GAREM2: variants seen among roughly 807,000 people sequenced by gnomAD.
GAREM2 encodes the protein GRB2 associated regulator of MAPK1 subtype 2.
A neutral mutation model predicts 55.6 loss-of-function variants in GAREM2; 30 were observed. The observed-to-expected ratio is 0.54, with a 90% CI of 0.40 to 0.73. GAREM2 has a LOEUF of 0.73. GAREM2 is among the 30% of genes least tolerant of loss of function. GAREM2 has a pLI of 0.00. For missense variants in GAREM2, 1,075 were observed against 1,257.7 expected, an observed-to-expected ratio of 0.85 and a Z score of 2.20; for synonymous variants, 550 against 569.1, an observed-to-expected ratio of 0.97 and a Z score of 0.48.
chr2:26,192,159 A>T (rs751169009), downstream of GAREM2: 92 of 621,930 alleles, frequency 1.5e-4, no homozygotes, highest in Admixed American at 5.4e-5. Context: ...GGAAGACAGC[A>T]CCATGGCACG....
chr2:26,198,176 C>A, the GAREM2 span, among the ~76,000 whole-genome samples: 1 of 152,168 alleles, frequency 6.6e-6, no homozygotes. Context: ...TCACTCCCCG[C>A]TTCACCTTTA....
intron 2 of GAREM2, among the ~76,000 whole-genome samples, chr2:26,177,819 G>C (rs750788272): frequency 5.9e-5 from 9 of 152,160 alleles, no homozygotes; most frequent in Non-Finnish European, 1.3e-4. Flanking sequence ...TAGAGACAGG[G>C]TTTCACCATG....
downstream of GAREM2, chr2:26,193,825 C>CA: frequency 2.1e-6 from 3 of 1,410,158 alleles, no homozygotes; most frequent in Non-Finnish European, 2.0e-6. Flanking sequence ...CAAATCCCCC[C>CA]AAAGGGCTCC....
At chr2:26,204,040 C>CAA in the GAREM2 span, 1 of 1,611,860 alleles carries the variant, frequency 6.2e-7, no homozygotes. Flanking sequence ...CTAACTCTTG[C>CAA]AAAGAGAGAG....
chr2:26,178,382 C>T (rs187681824), intron 2 of GAREM2, among the ~76,000 whole-genome samples: 5 of 148,558 alleles, frequency 3.4e-5, no homozygotes, highest in East Asian at 2.0e-4. Context: ...GGCAACATAG[C>T]GAGAACAAAC....
At position 26,183,478 on chromosome 2, in the gene GAREM2, C is replaced by T. The variant is rs575657563; in HGVS notation, c.384+381C>T. Among the ~76,000 whole-genome samples, 117 of 142,312 alleles carry T rather than the reference C, an allele frequency of 8.2e-4. No homozygotes were observed. The South Asian group carries it at 0.011, about 13-fold the overall frequency. The allele number at this position is 142,312 out of a possible 152,430, so 93.4% of individuals were successfully genotyped here. A position where few individuals can be genotyped will look rare whatever the true frequency, so the allele number is the denominator to read the frequency against. On this transcript the variant is annotated intron_variant, in intron 3 of 5. Transcript: ENST00000401533. ...GTGGCTCATGCCTGTAATCCCAACA[C>T]TTTGGGAGGCTGAGGAGGGAGGATC...
At chr2:26,203,974 CA>C in the GAREM2 span, 4 of 1,339,840 alleles carry the variant, frequency 3.0e-6, no homozygotes, top group Non-Finnish European at 4.3e-6. Flanking sequence ...AACAAACAAA[CA>C]AAAAAACCCA....
At chr2:26,192,241 A>T, downstream of GAREM2, 4 of 795,766 alleles carry the variant, frequency 5.0e-6, no homozygotes, top group Non-Finnish European at 8.8e-6. Flanking sequence ...AAAATGGAAG[A>T]GGGGCTGGGA....
chr2:26,185,171 C>A lies in GAREM2; in HGVS notation c.1323C>A (p.Leu441=), dbSNP rs1388496650. The A allele has an allele frequency of 4.0e-6, 6 of 1,507,902 alleles. No homozygotes were observed. Among genetic ancestry groups the A allele is most frequent in the Non-Finnish European group, 5.3e-6 (6 of 1,135,664 alleles). The allele number at this position is 1,507,902 out of a possible 1,614,324, so 93.4% of individuals were successfully genotyped here. Residue 441 remains leucine, a synonymous_variant, in exon 4 of 6, where the codon CTC becomes CTA. Coordinates refer to ENST00000401533, the MANE Select transcript of GAREM2 (RefSeq NM_001168241.2). ...ELWAHQGPEG[L]VRPPPGLDLI... ...GGGCGCACCAGGGGCCCGAGGGCCT[C>A]GTCCGGCCGCCCCCAGGGCTCGATC...
At chr2:26,193,475 G>C, downstream of GAREM2, 1 of 1,006,908 alleles carries the variant, frequency 9.9e-7, no homozygotes, top group Non-Finnish European at 1.6e-6. Flanking sequence ...TCTGTGTTTA[G>C]AAAACTTTCT....
chr2:26,194,768 A>G, the GAREM2 span: 1 of 740,520 alleles, frequency 1.4e-6, no homozygotes, highest in African/African-American at 1.7e-5. Context: ...TTAAAATCTC[A>G]ATCAGAATCC....
the GAREM2 span, among the ~76,000 whole-genome samples, chr2:26,200,634 A>ACGTG: frequency 7.9e-5 from 12 of 152,222 alleles, no homozygotes; most frequent in African/African-American, 2.4e-5. Flanking sequence ...AATAAGGTGA[A>ACGTG]CGCACCCTCA....
At chr2:26,180,114 G>C (rs62128433) in intron 2 of GAREM2, among the ~76,000 whole-genome samples, 2 of 152,130 alleles carry the variant, frequency 1.3e-5, no homozygotes, top group Non-Finnish European at 2.9e-5. Context: ...GTCCCAGGGC[G>C]GGGAGGGCAG....
At chr2:26,176,319 C>A in intron 1 of GAREM2, 25 bp from the exon 2 acceptor site, 1 of 1,506,970 alleles carries the variant, frequency 6.6e-7, no homozygotes, top group South Asian at 1.3e-5. Context: ...TTCCCCTCAT[C>A]CTCTGTCCTC....
At chr2:26,199,020 G>A in the GAREM2 span, among the ~76,000 whole-genome samples, 3 of 151,654 alleles carry the variant, frequency 2.0e-5, no homozygotes, top group Non-Finnish European at 2.9e-5. Context: ...TCAGCCTCCC[G>A]AGTAGCTGGG....
Position 26,179,558 on chromosome 2 carries a change from T to G in GAREM2, c.253+3074T>G, listed in dbSNP as rs923223361. ...CTGGAAGGGAGGAGCGAGGCAGCCATGTGCTCTGAGGGCAAGGACAAGGAG... is the reference window on the plus strand; with the variant it reads ...CTGGAAGGGAGGAGCGAGGCAGCCAGGTGCTCTGAGGGCAAGGACAAGGAG... On this transcript the variant is annotated intron_variant, in intron 2 of 5. Coordinates refer to ENST00000401533, the MANE Select transcript of GAREM2 (RefSeq NM_001168241.2). The surrounding 1 kb of genome is among the most constrained non-coding windows in gnomAD (Gnocchi z 4.7). Among the ~76,000 whole-genome samples, 15 of 152,068 alleles carry G rather than the reference T, an allele frequency of 9.9e-5. No individual in the cohort carries two copies. The highest frequency in any genetic ancestry group is 3.4e-4 in the African/African-American group (14 of 41,500).
Position 26,188,890 on chromosome 2 carries a change from C to T in GAREM2, c.*633C>T, listed in dbSNP as rs1273172685. ...GAGGCTCCACCTGTGGGTCCTGGTT[C>T]ATGGGTGACAACTTTGGAAGAGCAC... On this transcript the variant is annotated 3_prime_UTR_variant, in exon 6 of 6. Coordinates refer to ENST00000401533, the MANE Select transcript of GAREM2 (RefSeq NM_001168241.2). The T allele has an allele frequency of 6.6e-6, 1 of 152,304 alleles. No homozygotes were observed. The highest frequency in any genetic ancestry group is 1.5e-5 in the Non-Finnish European group (1 of 68,100). The allele number at this position is 152,304 out of a possible 1,614,324, so 9.4% of individuals were successfully genotyped here.
At chr2:26,204,220 T>G in the GAREM2 span, 2 of 1,612,212 alleles carry the variant, frequency 1.2e-6, no homozygotes, top group Non-Finnish European at 1.7e-6. Flanking sequence ...ATGAAATGAC[T>G]TTCGGTAAAC....
At position 26,176,492 on chromosome 2, in the gene GAREM2, C is replaced by T. The variant is rs1443392764; in HGVS notation, c.253+8C>T. ...TCCCCCTGCAGTACCCAGGTGTGTC[C>T]AGCCAGGACAGATGTCATAAAGCCT... On this transcript the variant is annotated splice_region_variant and intron_variant, in intron 2 of 5. Transcript: ENST00000401533. 2.6e-5 allele frequency: 40 copies of T among 1,530,432 alleles called. No homozygotes were observed. In the East Asian group the frequency reaches 1.0e-3, roughly 38 times the overall value. 94.8% of individuals were successfully genotyped at this position (1,530,432 alleles called of 1,614,324 possible).
Sources: gnomAD v4.1 joint callset for allele counts (sites outside exome capture counted in the v4.1 genomes callset) on GRCh38, gnomAD v4.1.1 for gene constraint, Gnocchi (gnomAD v3.1) non-coding constraint, MANE v1.5 for transcripts, NCBI Gene and HGNC (gene_info 2026-07-23, HGNC 2026-07-21) for gene names.